Variants in C11orf65 observed in about 807,000 individuals in gnomAD.
C11orf65 encodes chromosome 11 open reading frame 65.
Under a neutral mutation model 35.3 loss-of-function variants are expected in C11orf65, and 38 were observed. The observed-to-expected ratio is 1.08, with a 90% confidence interval of 0.83 to 1.41. The LOEUF (loss-of-function observed/expected upper bound fraction) is 1.41, where lower values mean the gene tolerates loss of function less well. Among genes scored for constraint, C11orf65 ranks in the 40% most tolerant of loss-of-function variants. The probability of loss-of-function intolerance (pLI) is 0.00; values close to 1 mark genes in which losing one functional copy is unlikely to be tolerated. For missense variants in C11orf65, 370 were observed against 367.1 expected, an observed-to-expected ratio of 1.01 and a Z score of -0.06; for synonymous variants, 105 against 114.4, an observed-to-expected ratio of 0.92 and a Z score of 0.53.
intron 3 of C11orf65, among the ~76,000 whole-genome samples, chr11:108,430,178 G>A (rs2092965532): frequency 6.7e-6 from 1 of 148,302 alleles, no homozygotes; most frequent in South Asian, 2.2e-4. Context: ...GCCCAGGCTG[G>A]AGTGCAGTGG....
At chr11:108,316,349 T>G (rs2084648644) in intron 6 of C11orf65, among the ~76,000 whole-genome samples, 1 of 152,114 alleles carries the variant, frequency 6.6e-6, no homozygotes, top group Admixed American at 6.5e-5. Flanking sequence ...ACCTAAAAGA[T>G]AGTGTAGATT....
At chr11:108,388,319 A>G (rs1229981560) in intron 7 of C11orf65, among the ~76,000 whole-genome samples, 1 of 152,238 alleles carries the variant, frequency 6.6e-6, no homozygotes, top group Non-Finnish European at 1.5e-5. Context: ...GTAATTGATA[A>G]GAAATCTAAG....
At position 108,402,657 on chromosome 11, in the gene C11orf65, C is replaced by A. The variant is rs74403434; in HGVS notation, c.560+2772G>T. Among the ~76,000 whole-genome samples the A allele has an allele frequency of 1.1e-4, 17 of 151,472 alleles. No homozygotes were observed. In the East Asian group the frequency reaches 3.3e-3, roughly 29 times the overall value. ...TGTACAGTTTTGACATGTCTATATA[C>A]CTGTAAATCCATCACTACAATAAAA... On this transcript the variant is annotated intron_variant, in intron 6 of 8. Coordinates refer to ENST00000393084, the MANE Select transcript of C11orf65 (RefSeq NM_152587.5).
intron 2 of C11orf65, among the ~76,000 whole-genome samples, chr11:108,451,870 A>C (rs946280908): frequency 3.9e-5 from 6 of 152,204 alleles, no homozygotes; most frequent in South Asian, 2.1e-4. Context: ...CAACCATCTG[A>C]TCTTTGACAA....
intron 6 of C11orf65, among the ~76,000 whole-genome samples, chr11:108,313,909 A>T (rs1267194828): frequency 3.3e-5 from 5 of 152,058 alleles, no homozygotes; most frequent in African/African-American, 1.2e-4. Context: ...TTTTTATTTA[A>T]CTGAGATTGT....
In C11orf65 at chr11:108,398,893, G is replaced by A. The variant is rs1320447863; in HGVS notation, c.561-5515C>T. 3.9e-5 allele frequency among the ~76,000 whole-genome samples: 6 copies of A among 152,188 alleles called. No individual in the cohort carries two copies. The East Asian group carries it at 9.6e-4, about 24-fold the overall frequency. ...AATAAAATTAATATCCAGAATATTTGTCTATCACTGTGAGGACAAATGGAT... is the reference window on the plus strand; with the variant it reads ...AATAAAATTAATATCCAGAATATTTATCTATCACTGTGAGGACAAATGGAT... On this transcript the variant is annotated intron_variant, in intron 6 of 8. Transcript: ENST00000393084.
At position 108,365,335 on chromosome 11, in the gene C11orf65, CAG is replaced by C. The variant is rs876660022; in HGVS notation, c.226+27871_226+27872del. On this transcript the variant is annotated intron_variant, in intron 2 of 3. Transcript: ENST00000524755. ...TGTTTTTGTCCTTAGTGATATTGAC[CAG>C]AGTTTCAACAAAGTAGCTGAACGTG... 1 of 1,614,144 alleles carries C rather than the reference CAG, an allele frequency of 6.2e-7. No individual in the cohort carries two copies. The highest frequency in any genetic ancestry group is 8.5e-7 in the Non-Finnish European group (1 of 1,180,036).
intron 2 of C11orf65, among the ~76,000 whole-genome samples, chr11:108,349,186 T>C (rs534805373): frequency 6.6e-6 from 1 of 152,270 alleles, no homozygotes; most frequent in Admixed American, 6.5e-5. Flanking sequence ...AAATCTTTTA[T>C]GAAAGAAGTA....
At chr11:108,442,862 T>C (rs1051897581) in intron 2 of C11orf65, among the ~76,000 whole-genome samples, 1 of 152,140 alleles carries the variant, frequency 6.6e-6, no homozygotes, top group African/African-American at 2.4e-5. Flanking sequence ...TACCAGCCAC[T>C]GCAAAAACAT....
chr11:108,362,637 A>T (rs1464442246), intron 2 of C11orf65, among the ~76,000 whole-genome samples: 1 of 149,756 alleles, frequency 6.7e-6, no homozygotes, highest in African/African-American at 2.5e-5. Context: ...TGATGAGTTC[A>T]TGTCCTTTGT....
downstream of C11orf65, chr11:108,331,212 T>A: frequency 2.5e-6 from 3 of 1,221,452 alleles, no homozygotes; most frequent in Non-Finnish European, 2.0e-6. Context: ...TAGTTCTGAA[T>A]CCAGTTTAAT....
chr11:108,350,552 C>T (rs563069181), intron 2 of C11orf65, among the ~76,000 whole-genome samples: 32 of 152,158 alleles, frequency 2.1e-4, no homozygotes, highest in African/African-American at 7.7e-4. Flanking sequence ...GAGACAGTCA[C>T]GGATATTATA....
chr11:108,453,623 T>C (rs934572159), intron 2 of C11orf65, among the ~76,000 whole-genome samples: 9 of 152,212 alleles, frequency 5.9e-5, no homozygotes, highest in African/African-American at 2.2e-4. Context: ...TAAAATGTTC[T>C]TTCAGACAAG....
At chr11:108,366,343 T>C (rs915774985) in intron 2 of C11orf65, 9 of 212,636 alleles carry the variant, frequency 4.2e-5, no homozygotes, top group Non-Finnish European at 7.6e-5. Flanking sequence ...TTGTTTTTCA[T>C]TTCTAATTAT....
intron 2 of C11orf65, among the ~76,000 whole-genome samples, chr11:108,357,833 C>T (rs1012585012): frequency 9.9e-5 from 15 of 151,514 alleles, no homozygotes; most frequent in Non-Finnish European, 1.8e-4. Flanking sequence ...GATAAAACCA[C>T]AAAGATGGGG....
At chr11:108,380,484 C>A (rs186595), downstream of C11orf65, among the ~76,000 whole-genome samples, 81,685 of 151,702 alleles carry the variant, frequency 0.54, 22,544 homozygotes, top group Middle Eastern at 0.74. Flanking sequence ...TTATGCTTAC[C>A]AGAGAGCATC....
At chr11:108,375,261 G>A (rs543332466) in intron 2 of C11orf65, among the ~76,000 whole-genome samples, 1 of 151,998 alleles carries the variant, frequency 6.6e-6, no homozygotes, top group Admixed American at 6.6e-5. Flanking sequence ...CCCTCAAAGG[G>A]AAGCCCATCA....
At chr11:108,411,837 G>C (rs895474746) in intron 3 of C11orf65, among the ~76,000 whole-genome samples, 6 of 151,260 alleles carry the variant, frequency 4.0e-5, no homozygotes, top group Non-Finnish European at 8.8e-5. Context: ...ATCCAGGCTG[G>C]AGTGCAGTGG....
chr11:108,375,581 C>T (rs1484056835), intron 2 of C11orf65, among the ~76,000 whole-genome samples: 6 of 152,090 alleles, frequency 3.9e-5, no homozygotes, highest in East Asian at 3.9e-4. Context: ...CATCAACTAA[C>T]GAACAAAATA....
Sources: allele counts gnomAD v4.1 joint callset (sites outside exome capture counted in the v4.1 genomes callset), GRCh38; gene constraint gnomAD v4.1.1; transcripts MANE v1.5; gene names NCBI Gene and HGNC (gene_info 2026-07-23, HGNC 2026-07-21).